Variants in PALD1 observed in about 807,000 individuals in gnomAD.
The protein encoded by PALD1 is phosphatase domain containing paladin 1.
Under a neutral mutation model 96.0 loss-of-function variants are expected in PALD1, and 57 were observed. The ratio of observed to expected loss-of-function variants is 0.59; its 90% CI spans 0.48 to 0.74. The LOEUF is 0.74. PALD1 is among the 30% of genes least tolerant of loss of function. The probability of loss-of-function intolerance (pLI) is 0.00; values close to 1 mark genes in which losing one functional copy is unlikely to be tolerated. For missense variants in PALD1, 1,063 were observed against 1,143.7 expected (o/e 0.93, Z 1.02); for synonymous variants, 464 against 473.6 (o/e 0.98, Z 0.26).
rs1846910417 is a variant in PALD1, at chr10:70,528,115, A to G, written c.186-1114A>G. 2.7e-5 allele frequency among the ~76,000 whole-genome samples: 4 copies of G among 150,114 alleles called. No homozygotes were observed. In the South Asian group the frequency reaches 8.6e-4, roughly 32 times the overall value. ...TCCCTACAAAGGACGTGAATTCATCATTTTTTATGGCTACATAGTATTCCA... is the reference window on the plus strand; with the variant it reads ...TCCCTACAAAGGACGTGAATTCATCGTTTTTTATGGCTACATAGTATTCCA... On this transcript the variant is annotated intron_variant, in intron 2 of 19. Transcript: ENST00000263563.
At chr10:70,472,384 C>T in the PALD1 span, among the ~76,000 whole-genome samples, 12 of 152,174 alleles carry the variant, frequency 7.9e-5, no homozygotes, top group South Asian at 2.1e-4. Context: ...CCTCAGCCTC[C>T]CCAGTAGCTG....
In PALD1 at chr10:70,529,227, A is replaced by G. The variant is rs868833200; in HGVS notation, c.186-2A>G. The G allele has an allele frequency of 7.6e-5, 13 of 171,366 alleles. No homozygotes were observed. Among genetic ancestry groups the G allele is most frequent in the Non-Finnish European group, 1.4e-4 (12 of 87,146 alleles). The allele number at this position is 171,366 out of a possible 1,614,324, so 10.6% of individuals were successfully genotyped here. On this transcript the variant is annotated splice_acceptor_variant, in intron 2 of 19. Transcript: ENST00000263563. LOFTEE classifies it high-confidence loss of function. Reference sequence around the variant, plus strand: ...CATTCTGCCCCCCCCCCCCCCCCCCAGGTACAACTGCAAGGAGGAGTTCCA... The same window carrying G: ...CATTCTGCCCCCCCCCCCCCCCCCCGGGTACAACTGCAAGGAGGAGTTCCA...
chr10:70,508,417 GAGC>G (rs1846437764), intron 1 of PALD1, among the ~76,000 whole-genome samples: 1 of 152,208 alleles, frequency 6.6e-6, no homozygotes, highest in African/African-American at 2.4e-5. Flanking sequence ...GGGAGTTGGG[GAGC>G]AGCAGGTTGG....
chr10:70,561,562 C>T (rs1847738333), intron 18 of PALD1, among the ~76,000 whole-genome samples: 1 of 152,104 alleles, frequency 6.6e-6, no homozygotes, highest in Non-Finnish European at 1.5e-5. Context: ...TTGTTCACTC[C>T]CCAGTCTCTA....
intron 1 of PALD1, among the ~76,000 whole-genome samples, chr10:70,481,171 A>T (rs1845925027): frequency 6.6e-6 from 1 of 152,218 alleles, no homozygotes; most frequent in Non-Finnish European, 1.5e-5. Flanking sequence ...GAAGCCGCTC[A>T]AGTGCCTGGG....
intron 1 of PALD1, among the ~76,000 whole-genome samples, chr10:70,523,372 T>C (rs1846778686): frequency 6.6e-6 from 1 of 152,236 alleles, no homozygotes. Context: ...GCCCATCCTC[T>C]CCCTCGGGAG....
intron 1 of PALD1, among the ~76,000 whole-genome samples, chr10:70,493,232 G>A (rs745897789): frequency 1.3e-5 from 2 of 152,146 alleles, no homozygotes; most frequent in Non-Finnish European, 2.9e-5. Context: ...TGATCTTCCC[G>A]CCACAGCCTC....
intron 1 of PALD1, among the ~76,000 whole-genome samples, chr10:70,504,746 C>T (rs1300401818): frequency 1.3e-5 from 2 of 152,182 alleles, no homozygotes; most frequent in African/African-American, 4.8e-5. Context: ...TGCATTCAAT[C>T]TATTGTGATA....
At chr10:70,494,286 T>C (rs987484193) in intron 1 of PALD1, among the ~76,000 whole-genome samples, 1 of 152,266 alleles carries the variant, frequency 6.6e-6, no homozygotes, top group African/African-American at 2.4e-5. Context: ...TTATATAGTT[T>C]ATTTCTGTGT....
At chr10:70,496,384 C>T (rs563937987) in intron 1 of PALD1, among the ~76,000 whole-genome samples, 1 of 152,286 alleles carries the variant, frequency 6.6e-6, no homozygotes, top group Non-Finnish European at 1.5e-5. Context: ...ATTTCCAGTG[C>T]CCCAGAGGTT....
intron 18 of PALD1, among the ~76,000 whole-genome samples, chr10:70,550,406 C>G (rs1847457720): frequency 6.6e-6 from 1 of 152,182 alleles, no homozygotes; most frequent in Non-Finnish European, 1.5e-5. Flanking sequence ...TTCTGTAGGT[C>G]TGGAGGTCTA....
chr10:70,565,959 A>G (rs1190919802), intron 19 of PALD1, among the ~76,000 whole-genome samples: 1 of 152,226 alleles, frequency 6.6e-6, no homozygotes, highest in African/African-American at 2.4e-5. Context: ...TGTGGGTTCC[A>G]GCCTCGGGAC....
At chr10:70,498,935 A>G (rs1846244085) in intron 1 of PALD1, among the ~76,000 whole-genome samples, 1 of 152,058 alleles carries the variant, frequency 6.6e-6, no homozygotes, top group Admixed American at 6.6e-5. Context: ...TCTCAGAAAA[A>G]AAAAAAAAGG....
chr10:70,461,982 G>C, the PALD1 span, among the ~76,000 whole-genome samples: 2 of 152,038 alleles, frequency 1.3e-5, no homozygotes, highest in Non-Finnish European at 2.9e-5. Context: ...TTGTAGAGAT[G>C]GAGTTTCACC....
chr10:70,539,841 A>T lies in PALD1; in HGVS notation c.1908+79A>T. 2.3e-6 allele frequency: 3 copies of T among 1,282,128 alleles called. No individual in the cohort carries two copies. The highest frequency in any genetic ancestry group is 2.2e-6 in the Non-Finnish European group (2 of 923,290). The allele number at this position is 1,282,128 out of a possible 1,614,324, so 79.4% of individuals were successfully genotyped here. On this transcript the variant is annotated intron_variant, in intron 15 of 19. Coordinates refer to ENST00000263563, the MANE Select transcript of PALD1 (RefSeq NM_014431.3). The surrounding 1 kb of genome is among the most constrained non-coding windows in gnomAD (Gnocchi z 4.5). ...TCTCCCCTCTGGTCTGGGCTCTGGG[A>T]GAATGAAACGACCCCAGCTTCTCTA... is the stretch of plus-strand genomic sequence containing the variant.
chr10:70,510,348 G>GCAGA (rs1474810758), intron 1 of PALD1, among the ~76,000 whole-genome samples: 1 of 152,132 alleles, frequency 6.6e-6, no homozygotes, highest in African/African-American at 2.4e-5. Context: ...TGTCAGCAGG[G>GCAGA]CAGAGCACTG....
At chr10:70,500,293 C>G (rs1426332251) in intron 1 of PALD1, among the ~76,000 whole-genome samples, 1 of 152,158 alleles carries the variant, frequency 6.6e-6, no homozygotes, top group Non-Finnish European at 1.5e-5. Context: ...CCACATGGTG[C>G]CTCCTCCCTG....
chr10:70,564,186 C>T (rs1379692594), intron 18 of PALD1, among the ~76,000 whole-genome samples, 178 bp from the exon 19 acceptor site: 1 of 152,192 alleles, frequency 6.6e-6, no homozygotes, highest in East Asian at 1.9e-4. Flanking sequence ...AGGAAGTGGG[C>T]TCCTGACCCG....
At chr10:70,547,172 G>T in intron 17 of PALD1, 134 bp from the exon 18 acceptor site, 1 of 751,696 alleles carries the variant, frequency 1.3e-6, no homozygotes, top group Non-Finnish European at 2.3e-6. Context: ...GAGAACTGAG[G>T]AGCAGGCAGG....
Sources: gnomAD v4.1 joint callset for allele counts (sites outside exome capture counted in the v4.1 genomes callset) on GRCh38, gnomAD v4.1.1 for gene constraint, Gnocchi (gnomAD v3.1) non-coding constraint, MANE v1.5 for transcripts, NCBI Gene and HGNC (gene_info 2026-07-23, HGNC 2026-07-21) for gene names.